The following FAM50B variants were observed in gnomAD, a reference collection of about 807,000 sequenced individuals.
The protein encoded by FAM50B is family with sequence similarity 50 member B.
In FAM50B, 9 loss-of-function variants were observed where a neutral mutation model predicts 25.4. The ratio of observed to expected loss-of-function variants is 0.35; its 90% CI spans 0.21 to 0.62. The LOEUF is 0.62. Among genes scored for constraint, FAM50B ranks in the 20% least tolerant of loss-of-function variants. The pLI, the probability that FAM50B is intolerant of heterozygous loss-of-function variation, is 0.73. For synonymous variants in FAM50B, 212 were observed against 204.3 expected (o/e 1.04, Z -0.32); for missense variants, 372 against 477.9 (o/e 0.78, Z 2.07).
chr6:3,845,647 G>C (rs553102439), upstream of FAM50B, among the ~76,000 whole-genome samples: 178 of 152,270 alleles, frequency 1.2e-3, 1 homozygote, highest in Admixed American at 5.0e-3. Context: ...CATTTGTGCT[G>C]ATCTTCAGGG....
At chr6:3,834,374 A>G in the FAM50B span, among the ~76,000 whole-genome samples, 1 of 149,872 alleles carries the variant, frequency 6.7e-6, no homozygotes, top group Non-Finnish European at 1.5e-5. Context: ...AAAAAAAAAA[A>G]AAAGGAAGAA....
chr6:3,849,089 A>AGCACGCACGCACAGCAGGTGGGG (rs1554117884), upstream of FAM50B, among the ~76,000 whole-genome samples: 2 of 152,168 alleles, frequency 1.3e-5, no homozygotes, highest in African/African-American at 4.8e-5. Context: ...GAGAAGGCTC[A>AGCACGCACGCACAGCAGGTGGGG]GCACGCACGC....
At chr6:3,844,892 T>C (rs1339031240), upstream of FAM50B, among the ~76,000 whole-genome samples, 1 of 152,244 alleles carries the variant, frequency 6.6e-6, no homozygotes. Context: ...TTTTTATTTA[T>C]TTACATTTCT....
chr6:3,838,163 G>A, the FAM50B span, among the ~76,000 whole-genome samples: 2 of 152,072 alleles, frequency 1.3e-5, no homozygotes, highest in African/African-American at 2.4e-5. Flanking sequence ...AAACAAGCTG[G>A]GACTGGGCCT....
Position 3,849,448 on chromosome 6 carries a change from A to T in FAM50B, c.-62A>T, listed in dbSNP as rs1307872973. On this transcript the variant is annotated 5_prime_UTR_variant, in exon 1 of 2. Transcript: ENST00000648326. ...CTCGTGGGTGGTTCTCGTGGAGGTC[A>T]GCTCCCGCGTGTCTCCGCTCGACAG... The T allele has an allele frequency of 4.9e-6, 1 of 205,128 alleles. No individual in the cohort carries two copies. The highest frequency in any genetic ancestry group is 2.3e-5 in the African/African-American group (1 of 42,994). The allele number at this position is 205,128 out of a possible 1,614,324, so 12.7% of individuals were successfully genotyped here.
In FAM50B at chr6:3,851,247, T is replaced by C. The variant is rs1254435250; in HGVS notation, c.*458T>C. The stretch of plus-strand genomic sequence containing the variant: ...TAACAAGAGCACTTACTTTATAAGA[T>C]TGATGTGAGTATTAAGTGAATTAAT... On this transcript the variant is annotated 3_prime_UTR_variant, in exon 2 of 2. Transcript: ENST00000648326. 1.0e-5 allele frequency: 2 copies of C among 190,496 alleles called. No homozygotes were observed. The highest frequency in any genetic ancestry group is 4.8e-5 in the African/African-American group (2 of 41,806). 11.8% of individuals were successfully genotyped at this position (190,496 alleles called of 1,614,324 possible).
the FAM50B span, among the ~76,000 whole-genome samples, chr6:3,839,338 A>G: frequency 1.3e-5 from 2 of 152,104 alleles, no homozygotes. Context: ...ACATTCATCT[A>G]TTCGTGAGGG....
the FAM50B span, among the ~76,000 whole-genome samples, chr6:3,839,706 C>T: frequency 2.6e-5 from 4 of 152,162 alleles, no homozygotes; most frequent in Admixed American, 2.6e-4. Flanking sequence ...CACATATACT[C>T]CCATAGGAGA....
chr6:3,843,614 T>C, the FAM50B span, among the ~76,000 whole-genome samples: 1 of 152,338 alleles, frequency 6.6e-6, no homozygotes, highest in Non-Finnish European at 1.5e-5. Flanking sequence ...TGTTCAAGCT[T>C]TTCCCTTCTA....
rs949305112 is a variant in FAM50B, at chr6:3,849,464, C to T, written c.-46C>T. On this transcript the variant is annotated 5_prime_UTR_variant, in exon 1 of 2. Coordinates refer to ENST00000648326, the MANE Select transcript of FAM50B (RefSeq NM_012135.3). The stretch of plus-strand genomic sequence containing the variant: ...GTGGAGGTCAGCTCCCGCGTGTCTC[C>T]GCTCGACAGGGTGCTTGGGCAGGTA... 16 of 229,968 alleles carry T rather than the reference C, an allele frequency of 7.0e-5. No homozygotes were observed. The highest frequency in any genetic ancestry group is 1.1e-4 in the African/African-American group (5 of 43,726). 14.2% of individuals were successfully genotyped at this position (229,968 alleles called of 1,614,324 possible).
rs6597007 is a variant in FAM50B at position 3,850,959 on chromosome 6, C to T, written c.*170C>T. ...TATTGCTGATGTTATGCTTTGGTTG[C>T]TTGGTTGGTCTTTTCTGAGTATTTT... is the stretch of plus-strand genomic sequence containing the variant. On this transcript the variant is annotated 3_prime_UTR_variant, in exon 2 of 2. Coordinates refer to ENST00000648326, the MANE Select transcript of FAM50B (RefSeq NM_012135.3). 8.8e-7 allele frequency: 1 copy of T among 1,139,780 alleles called. No homozygotes were observed. 70.6% of individuals were successfully genotyped at this position (1,139,780 alleles called of 1,614,324 possible). A position where few individuals can be genotyped will look rare whatever the true frequency, so the allele number is the denominator to read the frequency against.
the FAM50B span, among the ~76,000 whole-genome samples, chr6:3,834,418 G>A: frequency 1.4e-5 from 2 of 144,612 alleles, no homozygotes; most frequent in African/African-American, 2.5e-5. Context: ...GAGTTAAAAT[G>A]TAAGTAACGA....
the FAM50B span, among the ~76,000 whole-genome samples, chr6:3,838,859 A>C: frequency 9.8e-5 from 14 of 143,288 alleles, no homozygotes; most frequent in African/African-American, 2.3e-4. Context: ...AAAAAAAAAA[A>C]ACACACACAC....
At chr6:3,847,113 A>G (rs1194206357), upstream of FAM50B, among the ~76,000 whole-genome samples, 1 of 152,214 alleles carries the variant, frequency 6.6e-6, no homozygotes, top group Admixed American at 6.5e-5. Flanking sequence ...TAAGGGCACT[A>G]AGATTTTCAG....
At position 3,850,319 on chromosome 6, in the gene FAM50B, C is replaced by G; in HGVS notation, c.508C>G (p.Arg170Gly). The change falls in exon 2 of 2, where the codon CGC (arginine) becomes GGC (glycine). Residue 170 changes from arginine to glycine, a missense_variant. By Grantham distance (125) the Arg-to-Gly change is moderately radical. Transcript: ENST00000648326. ...GGAGAACCGGCTCCGAGAGGAGCTG[C>G]GCCAAGAGTGGGAGGCGCAGCGCGA... is the stretch of plus-strand genomic sequence containing the variant. ...EEENRLREELRQEWEAQREKV... is the reference protein window; with the variant it reads ...EEENRLREELGQEWEAQREKV... 6.2e-7 allele frequency: 1 copy of G among 1,613,296 alleles called. No homozygotes were observed.
In FAM50B at chr6:3,850,809, A is replaced by G. The variant is rs758066771; in HGVS notation, c.*20A>G. ...CGCTAACACCCGCCTGCCAGAGCGG[A>G]AACCGGGGGTGGGGGGAGACACTCA... On this transcript the variant is annotated 3_prime_UTR_variant, in exon 2 of 2. Transcript: ENST00000648326. 1 of 1,609,014 alleles carries G rather than the reference A, an allele frequency of 6.2e-7. No individual in the cohort carries two copies. Among genetic ancestry groups the G allele is most frequent in the Non-Finnish European group, 8.5e-7 (1 of 1,176,760 alleles).
the FAM50B span, among the ~76,000 whole-genome samples, chr6:3,843,570 C>T: frequency 6.6e-6 from 1 of 152,014 alleles, no homozygotes; most frequent in Non-Finnish European, 1.5e-5. Flanking sequence ...GGATTTTTTC[C>T]CCCAGGGAAC....
At chr6:3,840,271 G>A in the FAM50B span, among the ~76,000 whole-genome samples, 1 of 151,964 alleles carries the variant, frequency 6.6e-6, no homozygotes, top group Admixed American at 6.5e-5. Context: ...GGGATTACTG[G>A]CCTGAGCCAC....
At chr6:3,836,183 A>G in the FAM50B span, among the ~76,000 whole-genome samples, 1 of 152,232 alleles carries the variant, frequency 6.6e-6, no homozygotes, top group Non-Finnish European at 1.5e-5. Flanking sequence ...TGACCCAGCA[A>G]TAGTTTTAAG....
Sources: allele counts gnomAD v4.1 joint callset (sites outside exome capture counted in the v4.1 genomes callset), GRCh38; gene constraint gnomAD v4.1.1; transcripts MANE v1.5; gene names NCBI Gene and HGNC (gene_info 2026-07-23, HGNC 2026-07-21).